The following GUCY2D variants were observed in gnomAD, a reference collection of about 807,000 sequenced individuals.
GUCY2D encodes the protein retinal guanylyl cyclase 1.
Under a neutral mutation model 101.3 loss-of-function variants are expected in GUCY2D, and 70 were observed. That is an observed-to-expected ratio of 0.69 (90% CI 0.57 to 0.84). GUCY2D has a LOEUF of 0.84. GUCY2D is among the 40% of genes least tolerant of loss of function. GUCY2D has a pLI of 0.00. For synonymous variants in GUCY2D, 688 were observed against 670.7 expected (o/e 1.03, Z -0.40); for missense variants, 1,460 against 1,542.5 (o/e 0.95, Z 0.90).
intron 2 of GUCY2D, 40 bp downstream of exon 2, chr17:8,003,808 T>C: frequency 1.0e-5 from 16 of 1,603,424 alleles, no homozygotes; most frequent in Non-Finnish European, 1.4e-5. Context: ...CGGCTGGTCC[T>C]GCCGGCAGCC....
intron 4 of GUCY2D, 123 bp from the exon 5 acceptor site, chr17:8,006,937 C>A: frequency 1.2e-6 from 1 of 868,224 alleles, no homozygotes; most frequent in Non-Finnish European, 1.9e-6. Flanking sequence ...ATGACCTACC[C>A]CTAGAGCCTC....
chr17:8,006,008 C>T (rs1975730145), intron 3 of GUCY2D, among the ~76,000 whole-genome samples: 1 of 152,018 alleles, frequency 6.6e-6, no homozygotes. Context: ...ATATGCTGGG[C>T]AACCAACAGG....
At chr17:8,008,084 C>G in intron 7 of GUCY2D, 52 bp downstream of exon 7, 2 of 1,159,786 alleles carry the variant, frequency 1.7e-6, no homozygotes, top group Non-Finnish European at 2.6e-6. Flanking sequence ...AATGCTCAGG[C>G]CCTGGGCAGA....
In GUCY2D at chr17:8,014,299, G is replaced by C. The variant is rs569378426; in HGVS notation, c.2412+271G>C. The stretch of plus-strand genomic sequence containing the variant: ...TGATTGAGAACCAAGTATGTGCTTG[G>C]CCTGCTGTGACAGAAAGACCCTTGG... On this transcript the variant is annotated intron_variant, in intron 12 of 19. Transcript: ENST00000254854. This position sits in a 1 kb window ranked among gnomAD's most constrained non-coding sequence, Gnocchi z 4.0. The C allele has an allele frequency of 6.6e-6, 4 of 602,534 alleles. No homozygotes were observed. The highest frequency in any genetic ancestry group is 8.9e-6 in the Non-Finnish European group (3 of 338,436). The allele number at this position is 602,534 out of a possible 1,614,324, so 37.3% of individuals were successfully genotyped here. A position where few individuals can be genotyped will look rare whatever the true frequency, so the allele number is the denominator to read the frequency against.
rs984277862 is a variant in GUCY2D, at chr17:8,006,466, C to T, written c.1130C>T (p.Ala377Val). Residue 377 changes from alanine to valine, a missense_variant, in exon 4 of 20, where the codon GCT (alanine) becomes GTT (valine). Ala to Val is a moderately conservative substitution (Grantham distance 64). Around this residue, in one of 3 missense-constraint regions of GUCY2D, gnomAD observed 1,196 missense variants for 1,229.6 expected, o/e 0.97. Coordinates refer to ENST00000254854, the MANE Select transcript of GUCY2D (RefSeq NM_000180.4). ...GGTGGCAGATGGGTGTCCGGAGCAG[C>T]TGTGGCCCGCCACATCCGGGATGCG... ...AAGGRWVSGA[A>V]VARHIRDAQV... is the part of the protein sequence containing the mutation. 4 of 1,606,178 alleles carry T rather than the reference C, an allele frequency of 2.5e-6. No individual in the cohort carries two copies. Among genetic ancestry groups the T allele is most frequent in the Non-Finnish European group, 2.5e-6 (3 of 1,179,956 alleles).
At position 8,014,023 on chromosome 17, in the gene GUCY2D, G is replaced by T; in HGVS notation, c.2407G>T (p.Asp803Tyr). 6.2e-7 allele frequency: 1 copy of T among 1,612,784 alleles called. No homozygotes were observed. ...ELRPSMDHTF[D>Y]LFKNINKGRK... is the part of the protein sequence containing the mutation. The stretch of plus-strand genomic sequence containing the variant: ...TCGGCCCTCCATGGACCACACCTTC[G>T]ACCTGGTCAGGGGCTGGGAGTGGGC... The change falls in exon 12 of 20, where the codon GAC becomes TAC. Residue 803 changes from aspartate (D) to tyrosine (Y), a missense_variant. By Grantham distance (160) the Asp-to-Tyr change is radical (BLOSUM62 -3). Coordinates refer to ENST00000254854, the MANE Select transcript of GUCY2D (RefSeq NM_000180.4). This position sits in a 1 kb window ranked among gnomAD's most constrained non-coding sequence, Gnocchi z 4.0.
chr17:8,017,486 C>T (rs1224830111), intron 19 of GUCY2D, among the ~76,000 whole-genome samples: 1 of 152,184 alleles, frequency 6.6e-6, no homozygotes, highest in Non-Finnish European at 1.5e-5. Flanking sequence ...TCATTCCTAT[C>T]TCCATCTCCC....
chr17:8,010,776 T>C (rs1386045735), intron 8 of GUCY2D, among the ~76,000 whole-genome samples: 8 of 147,644 alleles, frequency 5.4e-5, no homozygotes, highest in Non-Finnish European at 1.2e-4. Flanking sequence ...GGCACTGCAC[T>C]TCAGCCTGGG....
chr17:8,012,781 G>A (rs897943929), intron 10 of GUCY2D, among the ~76,000 whole-genome samples, 175 bp downstream of exon 10: 23 of 152,214 alleles, frequency 1.5e-4, no homozygotes, highest in Admixed American at 2.6e-4. Flanking sequence ...CTGTGACTTC[G>A]GAGACGGGGC....
Position 8,011,019 on chromosome 17 carries a change from A to G in GUCY2D, c.1750-1125A>G, listed in dbSNP as rs1270062062. On this transcript the variant is annotated intron_variant, in intron 8 of 19. Coordinates refer to ENST00000254854, the MANE Select transcript of GUCY2D (RefSeq NM_000180.4). The surrounding 1 kb of genome is among the most constrained non-coding windows in gnomAD (Gnocchi z 4.3). ...TCAGACCCGACTGACACAATGACGT[A>G]ACGCCAAGCAGAGCAGCCCCCGGCC... Among the ~76,000 whole-genome samples, 1 of 152,030 alleles carries G rather than the reference A, an allele frequency of 6.6e-6. No homozygotes were observed. The highest frequency in any genetic ancestry group is 1.5e-5 in the Non-Finnish European group (1 of 68,000).
rs999834342 is a variant in GUCY2D, at chr17:8,011,599, G to T, written c.1750-545G>T. Reference sequence around the variant, plus strand: ...GCACTTTGGGAGGCTGAGGTGGGAGGATCATTTGAAGCCAGGAGTTCAAGA... The same window carrying T: ...GCACTTTGGGAGGCTGAGGTGGGAGTATCATTTGAAGCCAGGAGTTCAAGA... On this transcript the variant is annotated intron_variant, in intron 8 of 19. Transcript: ENST00000254854. The surrounding 1 kb of genome is among the most constrained non-coding windows in gnomAD (Gnocchi z 4.3). Among the ~76,000 whole-genome samples the T allele has an allele frequency of 2.0e-5, 3 of 152,120 alleles. No homozygotes were observed. Among genetic ancestry groups the T allele is most frequent in the African/African-American group, 7.2e-5 (3 of 41,414 alleles).
intron 7 of GUCY2D, 132 bp from the exon 8 acceptor site, chr17:8,009,374 C>CCA: frequency 1.3e-6 from 1 of 772,878 alleles, no homozygotes; most frequent in Non-Finnish European, 2.4e-6. Flanking sequence ...CCCCTTGGTT[C>CCA]AATGCATTTT....
rs112923697 is a variant in GUCY2D at position 8,016,389 on chromosome 17, C to G, written c.3225-54C>G. On this transcript the variant is annotated intron_variant, in intron 18 of 19. Coordinates refer to ENST00000254854, the MANE Select transcript of GUCY2D (RefSeq NM_000180.4). Reference sequence around the variant, plus strand: ...GCGCGAGGCAGCGATGACGTGGGCCCTGCCCTCCCACGCCCCATTCCCCTT... The same window carrying G: ...GCGCGAGGCAGCGATGACGTGGGCCGTGCCCTCCCACGCCCCATTCCCCTT... The G allele has an allele frequency of 3.1e-5, 44 of 1,428,116 alleles. 1 individual carries two copies. The African/African-American group carries it at 4.1e-4, about 13-fold the overall frequency. The allele number at this position is 1,428,116 out of a possible 1,614,324, so 88.5% of individuals were successfully genotyped here.
rs1307739817 is a variant in GUCY2D at position 8,003,213 on chromosome 17, G to A, written c.166G>A (p.Val56Met). 1.3e-6 allele frequency: 2 copies of A among 1,521,872 alleles called. No individual in the cohort carries two copies. Among genetic ancestry groups the A allele is most frequent in the African/African-American group, 1.4e-5 (1 of 69,612 alleles). 94.3% of individuals were successfully genotyped at this position (1,521,872 alleles called of 1,614,324 possible). A position where few individuals can be genotyped will look rare whatever the true frequency, so the allele number is the denominator to read the frequency against. ...CCCCGCCCTCTCCGCCGTGTTCACGGTGGGGGTCCTGGGCCCCTGGGCTTG... is the reference window on the plus strand; with the variant it reads ...CCCCGCCCTCTCCGCCGTGTTCACGATGGGGGTCCTGGGCCCCTGGGCTTG... ...QPPALSAVFT[V>M]GVLGPWACDP... is the part of the protein sequence containing the mutation. The change falls in exon 2 of 20, where the codon GTG becomes ATG. Residue 56 changes from valine to methionine, a missense_variant. Transcript: ENST00000254854.
At chr17:8,006,969 C>A in intron 4 of GUCY2D, 91 bp from the exon 5 acceptor site, 1 of 1,084,208 alleles carries the variant, frequency 9.2e-7, no homozygotes, top group Non-Finnish European at 1.4e-6. Context: ...ATCCCCCTTT[C>A]CTGGAGGGGC....
chr17:8,012,168 G>T lies in GUCY2D; in HGVS notation c.1774G>T (p.Val592Leu), dbSNP rs373362030. The change falls in exon 9 of 20, where the codon GTG becomes TTG. Residue 592 changes from valine (V) to leucine (L), a missense_variant. Around this residue, in one of 3 missense-constraint regions of GUCY2D, gnomAD observed 1,196 missense variants for 1,229.6 expected, o/e 0.97. Coordinates refer to ENST00000254854, the MANE Select transcript of GUCY2D (RefSeq NM_000180.4). The stretch of plus-strand genomic sequence containing the variant: ...GCTCCAGGAGCTCCGGCATGAGAAC[G>T]TGGCCCTCTACCTGGGGCTTTTCCT... ...SKLQELRHEN[V>L]ALYLGLFLAR... The T allele has an allele frequency of 8.7e-6, 14 of 1,613,850 alleles. No individual in the cohort carries two copies. In the African/African-American group the frequency reaches 1.7e-4, roughly 20 times the overall value.
chr17:8,014,520 G>A lies in GUCY2D; in HGVS notation c.2413-81G>A, dbSNP rs1975921646. 3 of 1,316,728 alleles carry A rather than the reference G, an allele frequency of 2.3e-6. No individual in the cohort carries two copies. The highest frequency in any genetic ancestry group is 3.4e-5 in the Admixed American group (2 of 59,610). 81.6% of individuals were successfully genotyped at this position (1,316,728 alleles called of 1,614,324 possible). A position where few individuals can be genotyped will look rare whatever the true frequency, so the allele number is the denominator to read the frequency against. On this transcript the variant is annotated intron_variant, in intron 12 of 19. Coordinates refer to ENST00000254854, the MANE Select transcript of GUCY2D (RefSeq NM_000180.4). The surrounding 1 kb of genome is among the most constrained non-coding windows in gnomAD (Gnocchi z 4.0). The stretch of plus-strand genomic sequence containing the variant: ...TGGGGTTCAGAGTGAACAGCCCCAT[G>A]AGAGGGCCCATGAGGGGGGCATAAA...
Position 8,012,228 on chromosome 17 carries a change from G to A in GUCY2D, c.1834G>A (p.Glu612Lys). 1 of 1,614,098 alleles carries A rather than the reference G, an allele frequency of 6.2e-7. No individual in the cohort carries two copies. The part of the protein sequence containing the change: ...RGAEGPAALW[E>K]GNLAVVSEHC... ...AGCAGAAGGCCCTGCGGCCCTCTGG[G>A]AGGGCAACCTGGCTGTGGTCTCAGA... is the stretch of plus-strand genomic sequence containing the variant. Residue 612 changes from glutamate to lysine, a missense_variant, in exon 9 of 20, where the codon GAG (glutamate) becomes AAG (lysine). Coordinates refer to ENST00000254854, the MANE Select transcript of GUCY2D (RefSeq NM_000180.4).
Position 8,013,077 on chromosome 17 carries a change from C to T in GUCY2D, c.2114-26C>T, listed in dbSNP as rs372151247. 125 of 1,603,748 alleles carry T rather than the reference C, an allele frequency of 7.8e-5. No homozygotes were observed. The highest frequency in any genetic ancestry group is 9.6e-5 in the Non-Finnish European group (113 of 1,175,310). On this transcript the variant is annotated intron_variant, in intron 10 of 19. Transcript: ENST00000254854. The surrounding 1 kb of genome is among the most constrained non-coding windows in gnomAD (Gnocchi z 5.0). The stretch of plus-strand genomic sequence containing the variant: ...GAGGGTGGGAGTCTTTCCCCAGCGG[C>T]GCCTCAGCCCCTTCCCCATCCCCAG...
Sources: gnomAD v4.1 joint callset for allele counts (sites outside exome capture counted in the v4.1 genomes callset) on GRCh38, gnomAD v4.1.1 for gene constraint, gnomAD v4.1.1 regional missense constraint, Gnocchi (gnomAD v3.1) non-coding constraint, MANE v1.5 for transcripts, NCBI Gene and HGNC (gene_info 2026-07-23, HGNC 2026-07-21) for gene names.